The following HECW1 variants were observed in gnomAD, a reference collection of about 807,000 sequenced individuals.
The protein encoded by HECW1 is HECT, C2 and WW domain containing E3 ubiquitin protein ligase 1, also known as E3 ubiquitin-protein ligase HECW1.
HECW1 carries 61 observed loss-of-function variants against 182.3 expected under a neutral mutation model. That is an observed-to-expected ratio of 0.33 (90% CI 0.27 to 0.41). The LOEUF (loss-of-function observed/expected upper bound fraction) is 0.41. Ranked by LOEUF, HECW1 falls within the 10% of genes least tolerant of loss-of-function variation. HECW1 has a pLI of 1.00. For synonymous variants in HECW1, 859 were observed against 832.6 expected, an observed-to-expected ratio of 1.03 and a Z score of -0.55; for missense variants, 1,739 against 2,108.9, an observed-to-expected ratio of 0.82 and a Z score of 3.44.
At chr7:43,378,689 C>A (rs1393693878) in intron 6 of HECW1, among the ~76,000 whole-genome samples, 2 of 152,022 alleles carry the variant, frequency 1.3e-5, no homozygotes, top group African/African-American at 4.8e-5. Flanking sequence ...ACCTGTAATC[C>A]CAGCTACTCA....
chr7:43,309,639 G>A (rs747513942), intron 3 of HECW1, among the ~76,000 whole-genome samples: 24 of 152,114 alleles, frequency 1.6e-4, no homozygotes, highest in African/African-American at 3.9e-4. Flanking sequence ...CTACTCAATC[G>A]TAAACCTTAC....
intron 2 of HECW1, among the ~76,000 whole-genome samples, chr7:43,125,207 C>T (rs1020648403): frequency 6.6e-6 from 1 of 152,056 alleles, no homozygotes; most frequent in Non-Finnish European, 1.5e-5. Context: ...TTCAAAGGCT[C>T]CTCCTCCAAG....
At chr7:43,468,896 C>T (rs780210709) in intron 15 of HECW1, 24 bp from the exon 16 acceptor site, 8 of 1,612,104 alleles carry the variant, frequency 5.0e-6, no homozygotes, top group Non-Finnish European at 6.8e-6. Flanking sequence ...CACTCCTTAC[C>T]CCGTCCGCCC....
intron 2 of HECW1, among the ~76,000 whole-genome samples, chr7:43,183,395 C>T (rs1314698325): frequency 1.3e-5 from 2 of 152,060 alleles, no homozygotes; most frequent in Non-Finnish European, 2.9e-5. Context: ...AAACATCCTC[C>T]GCCCTCAATA....
At chr7:43,257,861 G>A (rs1169839452) in intron 3 of HECW1, among the ~76,000 whole-genome samples, 1 of 152,150 alleles carries the variant, frequency 6.6e-6, no homozygotes, top group Admixed American at 6.5e-5. Flanking sequence ...AAGAAGAATA[G>A]TGGTATTCAG....
At chr7:43,197,342 C>T (rs1263100189) in intron 2 of HECW1, among the ~76,000 whole-genome samples, 1 of 152,104 alleles carries the variant, frequency 6.6e-6, no homozygotes, top group Non-Finnish European at 1.5e-5. Flanking sequence ...CACAGAGAAA[C>T]AGCTTTTCCA....
At chr7:43,229,415 G>A (rs979423488) in intron 2 of HECW1, among the ~76,000 whole-genome samples, 1 of 151,964 alleles carries the variant, frequency 6.6e-6, no homozygotes, top group Admixed American at 6.6e-5. Context: ...ATAAGTGGGA[G>A]CTAAATGATG....
At position 43,444,343 on chromosome 7, in the gene HECW1, T is replaced by G; in HGVS notation, c.1171T>G (p.Trp391Gly). ...TGAGGCACCAGAGTCCTCTGAGAGC[T>G]GGAAGCCAGAGCAGCTGGGTGAGGG... ...RSEAPESSES[W>G]KPEQLGEGSV... is the part of the protein sequence containing the mutation. The change falls in exon 11 of 30, where the codon TGG (tryptophan) becomes GGG (glycine). Residue 391 changes from tryptophan (W) to glycine (G), a missense_variant. By Grantham distance (184) the Trp-to-Gly change is radical. This residue lies in a region of HECW1 where 971 missense variants were observed against 1,029.1 expected (regional missense o/e 0.94). Coordinates refer to ENST00000395891, the MANE Select transcript of HECW1 (RefSeq NM_015052.5). This position sits in a 1 kb window ranked among gnomAD's most constrained non-coding sequence, Gnocchi z 4.3. The G allele has an allele frequency of 6.2e-7, 1 of 1,614,128 alleles. No homozygotes were observed. Among genetic ancestry groups the G allele is most frequent in the East Asian group, 2.2e-5 (1 of 44,870 alleles).
chr7:43,243,810 G>A lies in HECW1; in HGVS notation c.-31-65G>A. On this transcript the variant is annotated intron_variant, in intron 2 of 29. Transcript: ENST00000395891. The surrounding 1 kb of genome is among the most constrained non-coding windows in gnomAD (Gnocchi z 4.0). Reference sequence around the variant, plus strand: ...GGGGGAAACAATGTTGTTTGTGTGGGTAATGTTGCTGATTTTGTTTGCTTG... The same window carrying A: ...GGGGGAAACAATGTTGTTTGTGTGGATAATGTTGCTGATTTTGTTTGCTTG... The A allele has an allele frequency of 8.3e-7, 1 of 1,203,246 alleles. No individual in the cohort carries two copies. Among genetic ancestry groups the A allele is most frequent in the Non-Finnish European group, 1.2e-6 (1 of 805,346 alleles). 74.5% of individuals were successfully genotyped at this position (1,203,246 alleles called of 1,614,324 possible). A position where few individuals can be genotyped will look rare whatever the true frequency, so the allele number is the denominator to read the frequency against.
intron 1 of HECW1, 98 bp from the exon 2 acceptor site, chr7:43,114,059 A>C: frequency 2.4e-6 from 1 of 408,760 alleles, no homozygotes; most frequent in Non-Finnish European, 4.5e-6. Flanking sequence ...GTTGCCGAAG[A>C]AGATATTATT....
intron 3 of HECW1, among the ~76,000 whole-genome samples, chr7:43,251,460 T>A (rs1395504457): frequency 1.3e-5 from 2 of 152,046 alleles, no homozygotes; most frequent in Non-Finnish European, 2.9e-5. Context: ...GGATTACCAG[T>A]GCCTGCCAAC....
chr7:43,118,114 T>A (rs1785223813), intron 2 of HECW1: 1 of 152,568 alleles, frequency 6.6e-6, no homozygotes, highest in South Asian at 2.1e-4. Flanking sequence ...ACAAATGCCA[T>A]CATGGAGACT....
At chr7:43,429,523 A>G (rs1052824486) in intron 8 of HECW1, among the ~76,000 whole-genome samples, 2 of 151,834 alleles carry the variant, frequency 1.3e-5, no homozygotes, top group Non-Finnish European at 2.9e-5. Context: ...AGGGGGAAGA[A>G]TGCTCCTGAT....
In HECW1 at chr7:43,488,488, G is replaced by GAAAGAAAGAAAGAGAA. The variant is rs767310220; in HGVS notation, c.3235-3586_3235-3585insAAGAAAGAAAGAGAAA. Reference sequence around the variant, plus strand: ...AGAAAGAAAGAAAGAAAGAAAGAAAGAGAAAGAAAGAAAGAAAAGAAAAGA... The same window carrying GAAAGAAAGAAAGAGAA: ...AGAAAGAAAGAAAGAAAGAAAGAAAGAAAGAAAGAAAGAGAAAGAAAGAAAGAAAGAAAAGAAAAGA... On this transcript the variant is annotated intron_variant, in intron 17 of 29. Coordinates refer to ENST00000395891, the MANE Select transcript of HECW1 (RefSeq NM_015052.5). Among the ~76,000 whole-genome samples, 7 of 112,614 alleles carry GAAAGAAAGAAAGAGAA rather than the reference G, an allele frequency of 6.2e-5. No individual in the cohort carries two copies. In the East Asian group the frequency reaches 1.1e-3, roughly 18 times the overall value. The allele number at this position is 112,614 out of a possible 152,430, so 73.9% of individuals were successfully genotyped here. A position where few individuals can be genotyped will look rare whatever the true frequency, so the allele number is the denominator to read the frequency against.
chr7:43,505,430 T>C (rs2079536672), intron 21 of HECW1, among the ~76,000 whole-genome samples: 1 of 152,192 alleles, frequency 6.6e-6, no homozygotes, highest in Admixed American at 6.5e-5. Flanking sequence ...TGCAGGAAGA[T>C]GAATGTTTTT....
At chr7:43,254,606 A>C (rs1800372094) in intron 3 of HECW1, among the ~76,000 whole-genome samples, 1 of 152,164 alleles carries the variant, frequency 6.6e-6, no homozygotes, top group Admixed American at 6.5e-5. Context: ...CAGGAACCTC[A>C]ACAAAAGCCC....
At chr7:43,308,127 T>A (rs1466862826) in intron 3 of HECW1, among the ~76,000 whole-genome samples, 1 of 104,398 alleles carries the variant, frequency 9.6e-6, no homozygotes, top group African/African-American at 4.1e-5. Flanking sequence ...ATAATATATT[T>A]ATATATAATA....
At chr7:43,126,405 G>C (rs1009600937) in intron 2 of HECW1, among the ~76,000 whole-genome samples, 3 of 152,098 alleles carry the variant, frequency 2.0e-5, no homozygotes, top group Non-Finnish European at 2.9e-5. Flanking sequence ...TCATAGATAA[G>C]GTTTTATTAG....
Position 43,493,145 on chromosome 7 carries a change from G to A in HECW1, c.3402G>A (p.Glu1134=). The A allele has an allele frequency of 6.2e-7, 1 of 1,613,782 alleles. No individual in the cohort carries two copies. The highest frequency in any genetic ancestry group is 8.5e-7 in the Non-Finnish European group (1 of 1,179,828). The change falls in exon 19 of 30, where the codon GAG becomes GAA. Residue 1134 remains glutamate (E), a synonymous_variant. Coordinates refer to ENST00000395891, the MANE Select transcript of HECW1 (RefSeq NM_015052.5). ...CAAACATTTTTGAAATGCTGCAAGA[G>A]CGTCAGCCAAGCTTAGCAAGAAACC... The part of the protein sequence containing the change: ...RQPNIFEMLQ[E]RQPSLARNHT...
Sources: allele counts gnomAD v4.1 joint callset (sites outside exome capture counted in the v4.1 genomes callset), GRCh38; gene constraint gnomAD v4.1.1; regional missense constraint gnomAD v4.1.1; non-coding constraint Gnocchi (gnomAD v3.1); transcripts MANE v1.5; gene names NCBI Gene and HGNC (gene_info 2026-07-23, HGNC 2026-07-21).